Variants in RXRA observed in about 807,000 individuals in gnomAD.
RXRA encodes the protein retinoic acid receptor RXR-alpha.
RXRA carries 5 observed loss-of-function variants against 44.5 expected under a neutral mutation model. That is an observed-to-expected ratio of 0.11 (90% CI 0.06 to 0.24). The LOEUF (loss-of-function observed/expected upper bound fraction) is 0.24, where lower values mean the gene tolerates loss of function less well. RXRA is among the 10% of genes least tolerant of loss of function. The probability of loss-of-function intolerance (pLI) is 1.00; values close to 1 mark genes in which losing one functional copy is unlikely to be tolerated. For synonymous variants in RXRA, 291 were observed against 271.4 expected (o/e 1.07, Z -0.71); for missense variants, 412 against 646.5 (o/e 0.64, Z 3.93).
intron 1 of RXRA, among the ~76,000 whole-genome samples, chr9:134,356,023 G>A (rs942357081): frequency 3.9e-5 from 6 of 152,156 alleles, no homozygotes; most frequent in East Asian, 1.9e-4. Flanking sequence ...GTAGCGGCAG[G>A]GAGGTGCTTC....
In RXRA at chr9:134,423,970, C is replaced by T. The variant is rs780064663; in HGVS notation, c.910+2165C>T. The T allele has an allele frequency of 5.9e-4, 580 of 985,270 alleles. 1 individual carries two copies. Among genetic ancestry groups the T allele is most frequent in the Non-Finnish European group, 6.8e-4 (563 of 829,942 alleles). The allele number at this position is 985,270 out of a possible 1,614,324, so 61.0% of individuals were successfully genotyped here. On this transcript the variant is annotated intron_variant, in intron 6 of 9. Coordinates refer to ENST00000481739, the MANE Select transcript of RXRA (RefSeq NM_002957.6). ...AGATGGTTGTGCGCTGGGGGCCTGG[C>T]GGAGGTCCGAGTCGGGTTGGATGGC...
intron 8 of RXRA, among the ~76,000 whole-genome samples, chr9:134,432,426 A>G (rs1009711003): frequency 6.6e-6 from 1 of 152,176 alleles, no homozygotes. Context: ...CCTCATCCCC[A>G]AGCCTCGGGT....
intron 1 of RXRA, among the ~76,000 whole-genome samples, chr9:134,390,311 C>T (rs1016412716): frequency 4.6e-5 from 7 of 152,216 alleles, no homozygotes; most frequent in Non-Finnish European, 1.0e-4. Context: ...ACCCTCCTCT[C>T]CATTGCCGTC....
Position 134,426,398 on chromosome 9 carries a change from G to A in RXRA, c.911-2710G>A, listed in dbSNP as rs1392511964. The A allele has an allele frequency of 1.0e-6, 1 of 985,366 alleles. No homozygotes were observed. Among genetic ancestry groups the A allele is most frequent in the Non-Finnish European group, 1.2e-6 (1 of 829,948 alleles). The allele number at this position is 985,366 out of a possible 1,614,324, so 61.0% of individuals were successfully genotyped here. ...TCTCTTACATCCGAGAAGGAGGAGG[G>A]CAGCTTACAAAGGTGTGTGGGGCAG... is the stretch of plus-strand genomic sequence containing the variant. On this transcript the variant is annotated intron_variant, in intron 6 of 9. Transcript: ENST00000481739. The surrounding 1 kb of genome is among the most constrained non-coding windows in gnomAD (Gnocchi z 4.6).
chr9:134,349,062 A>G lies in RXRA; in HGVS notation c.28+22403A>G. On this transcript the variant is annotated intron_variant, in intron 1 of 9. Coordinates refer to ENST00000481739, the MANE Select transcript of RXRA (RefSeq NM_002957.6). This position sits in a 1 kb window ranked among gnomAD's most constrained non-coding sequence, Gnocchi z 4.3. Reference sequence around the variant, plus strand: ...CTGGTCCCCGCTGAGAAGGCTGGTGATGCATGGTGGGTACGCTGCTTCCCG... The same window carrying G: ...CTGGTCCCCGCTGAGAAGGCTGGTGGTGCATGGTGGGTACGCTGCTTCCCG... 6.6e-6 allele frequency among the ~76,000 whole-genome samples: 1 copy of G among 152,154 alleles called. No individual in the cohort carries two copies. The highest frequency in any genetic ancestry group is 2.1e-4 in the South Asian group (1 of 4,828).
intron 1 of RXRA, among the ~76,000 whole-genome samples, chr9:134,372,648 C>T (rs1830504898): frequency 6.6e-6 from 1 of 152,180 alleles, no homozygotes; most frequent in African/African-American, 2.4e-5. Flanking sequence ...CAGAGAGGCC[C>T]ACTGACCCGC....
intron 1 of RXRA, among the ~76,000 whole-genome samples, chr9:134,398,516 A>G (rs941261517): frequency 3.9e-5 from 6 of 152,268 alleles, no homozygotes; most frequent in African/African-American, 1.2e-4. Flanking sequence ...GGCTCTGGGA[A>G]GGTGTCTGCT....
intron 1 of RXRA, among the ~76,000 whole-genome samples, chr9:134,368,810 T>C (rs1288203223): frequency 2.0e-5 from 3 of 150,612 alleles, no homozygotes; most frequent in African/African-American, 7.4e-5. Flanking sequence ...GCATGTGAGA[T>C]GTGTGTGTGC....
At chr9:134,369,105 GT>G (rs1564272835) in intron 1 of RXRA, among the ~76,000 whole-genome samples, 1 of 82,112 alleles carries the variant, frequency 1.2e-5, no homozygotes, top group African/African-American at 5.5e-5. Context: ...GTGTGTGTGT[GT>G]GGGGTTGTGT....
At chr9:134,401,992 G>T (rs1220861733) in intron 2 of RXRA, 110 bp downstream of exon 2, 4 of 933,124 alleles carry the variant, frequency 4.3e-6, no homozygotes, top group African/African-American at 3.3e-5. Context: ...AGGTGCTGTG[G>T]TCTCCCCGCT....
chr9:134,390,757 G>A (rs1357004352), intron 1 of RXRA, among the ~76,000 whole-genome samples: 5 of 152,180 alleles, frequency 3.3e-5, no homozygotes, highest in Non-Finnish European at 5.9e-5. Flanking sequence ...TCCCGTTCTT[G>A]GTCTGTCTCA....
At chr9:134,421,259 C>T (rs750885753) in intron 5 of RXRA, among the ~76,000 whole-genome samples, 8 of 152,228 alleles carry the variant, frequency 5.3e-5, no homozygotes, top group Non-Finnish European at 1.2e-4. Flanking sequence ...CCTGGAGGCT[C>T]TGCTGGGGAG....
At chr9:134,345,022 A>G (rs1267219893) in intron 1 of RXRA, among the ~76,000 whole-genome samples, 1 of 152,162 alleles carries the variant, frequency 6.6e-6, no homozygotes, top group Non-Finnish European at 1.5e-5. Flanking sequence ...GCCTGGGGAC[A>G]GCGGCCAGAA....
chr9:134,412,073 C>T (rs1000896026), intron 4 of RXRA, among the ~76,000 whole-genome samples: 7 of 152,218 alleles, frequency 4.6e-5, no homozygotes, highest in African/African-American at 1.7e-4. Flanking sequence ...AGAGCACTCC[C>T]CTCTCTCCTC....
chr9:134,424,573 G>A, intron 6 of RXRA: 1 of 985,450 alleles, frequency 1.0e-6, no homozygotes. Flanking sequence ...TACTCTCTGT[G>A]CCTCAGTGTC....
chr9:134,336,318 G>A lies in RXRA; in HGVS notation c.28+9659G>A, dbSNP rs555202698. 4.6e-5 allele frequency among the ~76,000 whole-genome samples: 7 copies of A among 152,314 alleles called. No individual in the cohort carries two copies. In the East Asian group the frequency reaches 1.2e-3, roughly 25 times the overall value. ...GTGACCCACCTTCTCCTGAGGCTGG[G>A]ATCACAGGGGGCGTCACCCCTTAGC... is the stretch of plus-strand genomic sequence containing the variant. On this transcript the variant is annotated intron_variant, in intron 1 of 9. Transcript: ENST00000481739.
intron 6 of RXRA, chr9:134,425,374 G>T: frequency 1.0e-6 from 1 of 985,204 alleles, no homozygotes; most frequent in Non-Finnish European, 1.2e-6. Context: ...TTTGTCAGAT[G>T]AGTAAACTGA....
Position 134,376,744 on chromosome 9 carries a change from G to A in RXRA, c.29-24888G>A, listed in dbSNP as rs574289706. Among the ~76,000 whole-genome samples the A allele has an allele frequency of 1.1e-4, 16 of 152,334 alleles. No homozygotes were observed. The South Asian group carries it at 3.1e-3, about 30-fold the overall frequency. ...CTGGGCACTGGGCATGGAAATGAAA[G>A]CGTGGTAGAGAGGGACCTCCTGGCT... On this transcript the variant is annotated intron_variant, in intron 1 of 9. Coordinates refer to ENST00000481739, the MANE Select transcript of RXRA (RefSeq NM_002957.6).
intron 1 of RXRA, among the ~76,000 whole-genome samples, chr9:134,364,810 G>C (rs1406958739): frequency 6.6e-6 from 1 of 152,202 alleles, no homozygotes; most frequent in East Asian, 1.9e-4. Flanking sequence ...GGCTGCCTGG[G>C]ACTCAGCTGG....
Sources: gnomAD v4.1 joint callset for allele counts (sites outside exome capture counted in the v4.1 genomes callset) on GRCh38, gnomAD v4.1.1 for gene constraint, Gnocchi (gnomAD v3.1) non-coding constraint, MANE v1.5 for transcripts, NCBI Gene and HGNC (gene_info 2026-07-23, HGNC 2026-07-21) for gene names.